ULK4: variants seen among roughly 807,000 people sequenced by gnomAD.
ULK4 encodes the protein inactive serine/threonine-protein kinase ULK4.
In ULK4, 133 loss-of-function variants were observed where a neutral mutation model predicts 160.6. That is an observed-to-expected ratio of 0.83 (90% CI 0.72 to 0.96). The LOEUF (loss-of-function observed/expected upper bound fraction) is 0.96, where lower values mean the gene tolerates loss of function less well. Among genes scored for constraint, ULK4 ranks in the 40% least tolerant of loss-of-function variants. The pLI is 0.00. For missense variants in ULK4, 1,580 were observed against 1,499.5 expected (o/e 1.05, Z -0.89); for synonymous variants, 534 against 539.8 (o/e 0.99, Z 0.15).
At position 41,304,407 on chromosome 3, in the gene ULK4, G is replaced by A. The variant is rs191480943; in HGVS notation, c.3679-54833C>T. On this transcript the variant is annotated intron_variant, in intron 35 of 36. Coordinates refer to ENST00000301831, the MANE Select transcript of ULK4 (RefSeq NM_017886.4). The stretch of plus-strand genomic sequence containing the variant: ...TCTCCAAGACAAATATTTAAGAGAA[G>A]ACAGTGTAGAAAGAGTCTATGCATG... Among the ~76,000 whole-genome samples the A allele has an allele frequency of 2.6e-5, 4 of 152,186 alleles. No homozygotes were observed. In the East Asian group the frequency reaches 7.7e-4, roughly 29 times the overall value.
intron 25 of ULK4, among the ~76,000 whole-genome samples, chr3:41,706,889 G>GTGTGTGTGTGTGTGTA (rs1361024477): frequency 1.7e-5 from 2 of 115,664 alleles, no homozygotes; most frequent in Non-Finnish European, 3.7e-5. Flanking sequence ...GTGTGTGTGT[G>GTGTGTGTGTGTGTGTA]TATATATATA....
intron 27 of ULK4, among the ~76,000 whole-genome samples, chr3:41,702,303 T>C (rs914992601): frequency 6.6e-6 from 1 of 151,994 alleles, no homozygotes; most frequent in African/African-American, 2.4e-5. Context: ...TGCCACCACA[T>C]CCAGCTAACT....
chr3:41,451,612 C>A (rs2083427375), intron 34 of ULK4, among the ~76,000 whole-genome samples: 1 of 152,044 alleles, frequency 6.6e-6, no homozygotes, highest in Non-Finnish European at 1.5e-5. Flanking sequence ...GGATTTCTGA[C>A]TCAAAATCCA....
At chr3:41,383,074 G>C (rs988265566) in intron 35 of ULK4, among the ~76,000 whole-genome samples, 4 of 151,698 alleles carry the variant, frequency 2.6e-5, no homozygotes, top group Admixed American at 6.6e-5. Context: ...ACCACAAGGA[G>C]GTATTTTTCT....
chr3:41,530,206 T>C (rs2086254993), intron 32 of ULK4, among the ~76,000 whole-genome samples: 1 of 152,216 alleles, frequency 6.6e-6, no homozygotes. Context: ...TATTTTCTAA[T>C]GAAATATGTT....
At chr3:41,490,019 T>C (rs1489129615) in intron 32 of ULK4, among the ~76,000 whole-genome samples, 1 of 152,184 alleles carries the variant, frequency 6.6e-6, no homozygotes, top group African/African-American at 2.4e-5. Context: ...GAAACCTTGG[T>C]GGCAATGCTA....
intron 21 of ULK4, among the ~76,000 whole-genome samples, chr3:41,770,988 G>A (rs751687144): frequency 1.3e-5 from 2 of 152,146 alleles, no homozygotes; most frequent in East Asian, 1.9e-4. Flanking sequence ...CATCCACGAA[G>A]ACCTGTAGAT....
intron 31 of ULK4, among the ~76,000 whole-genome samples, chr3:41,589,073 T>G (rs1164180560): frequency 6.6e-6 from 1 of 151,742 alleles, no homozygotes; most frequent in Non-Finnish European, 1.5e-5. Context: ...TAAGAGGATA[T>G]GCAATTACCC....
At chr3:41,959,045 T>A (rs150722676) in intron 1 of ULK4, among the ~76,000 whole-genome samples, 2,189 of 151,938 alleles carry the variant, frequency 0.014, 54 homozygotes, top group African/African-American at 0.051. Context: ...CTGGCCAACA[T>A]GGCGAAACCC....
chr3:41,388,856 A>C (rs528173795), intron 35 of ULK4, among the ~76,000 whole-genome samples: 1 of 152,026 alleles, frequency 6.6e-6, no homozygotes, highest in Non-Finnish European at 1.5e-5. Flanking sequence ...TTGGCTATAC[A>C]GGCTCTTTTT....
chr3:41,261,529 A>T (rs192283863), intron 35 of ULK4, among the ~76,000 whole-genome samples: 1 of 152,290 alleles, frequency 6.6e-6, no homozygotes, highest in Non-Finnish European at 1.5e-5. Flanking sequence ...TGGCTGATTT[A>T]AAAAAGTAAG....
Position 41,754,434 on chromosome 3 carries a change from C to G in ULK4, c.2248G>C (p.Ala750Pro). ...LLDSPSTCIRAKAFLVLLYIL... is the reference protein window; with the variant it reads ...LLDSPSTCIRPKAFLVLLYIL... ...TATAGAAGAACCAGGAAGGCTTTTGCTCTAATGCATGTTGAGGGGCTGTCA... is the reference window on the plus strand; with the variant it reads ...TATAGAAGAACCAGGAAGGCTTTTGGTCTAATGCATGTTGAGGGGCTGTCA... The change falls in exon 22 of 37, where the codon GCA (alanine) becomes CCA (proline). Residue 750 changes from alanine to proline, a missense_variant. Transcript: ENST00000301831. 1 of 1,613,700 alleles carries G rather than the reference C, an allele frequency of 6.2e-7. No individual in the cohort carries two copies. Among genetic ancestry groups the G allele is most frequent in the Non-Finnish European group, 8.5e-7 (1 of 1,179,850 alleles).
intron 21 of ULK4, among the ~76,000 whole-genome samples, chr3:41,771,044 G>A (rs958205108): frequency 6.6e-6 from 1 of 152,086 alleles, no homozygotes; most frequent in African/African-American, 2.4e-5. Context: ...GAATTAAAAC[G>A]GACATATTTT....
At chr3:41,762,241 G>C (rs2039005870) in intron 21 of ULK4, among the ~76,000 whole-genome samples, 1 of 151,538 alleles carries the variant, frequency 6.6e-6, no homozygotes, top group African/African-American at 2.4e-5. Flanking sequence ...ATTCATTCTA[G>C]CTAACTATAT....
intron 23 of ULK4, among the ~76,000 whole-genome samples, chr3:41,716,216 A>AAAGAATAAT (rs113108179): frequency 7.2e-6 from 1 of 139,258 alleles, no homozygotes; most frequent in African/African-American, 2.7e-5. Context: ...CTGTCTCACA[A>AAAGAATAAT]AATAATAATA....
chr3:41,306,837 G>A lies in ULK4; in HGVS notation c.3679-57263C>T, dbSNP rs548848767. ...TTCTGCCGTGGGATCCTGTTGATCT[G>A]TGACCTTACCCCCAACCCTGTGCTC... On this transcript the variant is annotated intron_variant, in intron 35 of 36. Coordinates refer to ENST00000301831, the MANE Select transcript of ULK4 (RefSeq NM_017886.4). 1.1e-4 allele frequency among the ~76,000 whole-genome samples: 16 copies of A among 151,816 alleles called. No homozygotes were observed. The South Asian group carries it at 2.1e-3, about 20-fold the overall frequency.
intron 7 of ULK4, among the ~76,000 whole-genome samples, chr3:41,917,463 C>G (rs953796436): frequency 2.0e-5 from 3 of 152,100 alleles, no homozygotes; most frequent in East Asian, 3.9e-4. Context: ...CCCTGTCTCT[C>G]AAATATATAT....
At chr3:41,931,743 A>G in intron 5 of ULK4, 101 bp downstream of exon 5, 1 of 1,402,946 alleles carries the variant, frequency 7.1e-7, no homozygotes, top group Non-Finnish European at 9.8e-7. Flanking sequence ...TCAATATCTT[A>G]TTTGAGTGGC....
chr3:41,445,411 GCCAAGTCAATCCTAA>G (rs2083274984), intron 34 of ULK4, among the ~76,000 whole-genome samples: 10 of 151,750 alleles, frequency 6.6e-5, no homozygotes, highest in Admixed American at 5.9e-4. Context: ...AGCCTGCATC[GCCAAGTCAATCCTAA>G]GCCAAAAGAA....
Sources: allele counts gnomAD v4.1 joint callset (sites outside exome capture counted in the v4.1 genomes callset), GRCh38; gene constraint gnomAD v4.1.1; transcripts MANE v1.5; gene names NCBI Gene and HGNC (gene_info 2026-07-23, HGNC 2026-07-21).